Variants in RTN4RL1 observed in about 807,000 individuals in gnomAD.
RTN4RL1 encodes reticulon 4 receptor like 1, also known as reticulon-4 receptor-like 1.
A neutral mutation model predicts 25.6 loss-of-function variants in RTN4RL1; 7 were observed. The observed-to-expected ratio is 0.27, with a 90% CI of 0.16 to 0.51. The LOEUF is 0.51. Among genes scored for constraint, RTN4RL1 ranks in the 20% least tolerant of loss-of-function variants. The pLI, the probability that RTN4RL1 is intolerant of heterozygous loss-of-function variation, is 0.97. For missense variants in RTN4RL1, 500 were observed against 615.6 expected (o/e 0.81, Z 1.99); for synonymous variants, 297 against 288.2 (o/e 1.03, Z -0.31).
chr17:1,978,640 G>A (rs958186901), intron 1 of RTN4RL1, among the ~76,000 whole-genome samples: 1 of 152,052 alleles, frequency 6.6e-6, no homozygotes, highest in Non-Finnish European at 1.5e-5. Flanking sequence ...AAATGGGGGG[G>A]GTGGAGGGTG....
chr17:1,946,681 T>C (rs1399674418), intron 1 of RTN4RL1, among the ~76,000 whole-genome samples: 1 of 149,830 alleles, frequency 6.7e-6, no homozygotes, highest in Non-Finnish European at 1.5e-5. Flanking sequence ...TCTGTGTGCA[T>C]CTCTGTGAAT....
At chr17:1,944,413 A>G (rs548001508) in intron 1 of RTN4RL1, among the ~76,000 whole-genome samples, 1 of 152,062 alleles carries the variant, frequency 6.6e-6, no homozygotes, top group East Asian at 1.9e-4. Flanking sequence ...CATATAATCC[A>G]TCTCAGTCAG....
intron 1 of RTN4RL1, among the ~76,000 whole-genome samples, chr17:1,955,074 G>A (rs1428311277): frequency 6.6e-6 from 1 of 152,042 alleles, no homozygotes; most frequent in East Asian, 1.9e-4. Context: ...TTCTCTGTCA[G>A]CCTGAGCGCC....
intron 1 of RTN4RL1, among the ~76,000 whole-genome samples, chr17:1,972,700 C>T (rs187208097): frequency 1.3e-5 from 2 of 152,326 alleles, no homozygotes; most frequent in Admixed American, 6.5e-5. Flanking sequence ...CCGACTCAGC[C>T]GCAAGTGCCT....
intron 1 of RTN4RL1, among the ~76,000 whole-genome samples, chr17:1,950,574 C>T (rs1915651975): frequency 6.6e-6 from 1 of 152,076 alleles, no homozygotes; most frequent in African/African-American, 2.4e-5. Context: ...GAAGCCGGGG[C>T]AGCAGCTCAC....
intron 1 of RTN4RL1, among the ~76,000 whole-genome samples, chr17:1,969,735 T>C (rs537538199): frequency 6.6e-6 from 1 of 152,342 alleles, no homozygotes; most frequent in South Asian, 2.1e-4. Context: ...GGTTGGTCAT[T>C]TATTTCCACA....
At chr17:1,967,762 C>T (rs1397271428) in intron 1 of RTN4RL1, among the ~76,000 whole-genome samples, 1 of 152,130 alleles carries the variant, frequency 6.6e-6, no homozygotes, top group Non-Finnish European at 1.5e-5. Context: ...GCCTCAGCTT[C>T]CCAAGTAGCC....
Position 1,935,551 on chromosome 17 carries a change from G to T in RTN4RL1, c.*945C>A. The T allele has an allele frequency of 1.0e-6, 1 of 985,420 alleles. No individual in the cohort carries two copies. The highest frequency in any genetic ancestry group is 4.7e-5 in the South Asian group (1 of 21,274). 61.0% of individuals were successfully genotyped at this position (985,420 alleles called of 1,614,324 possible). A position where few individuals can be genotyped will look rare whatever the true frequency, so the allele number is the denominator to read the frequency against. On this transcript the variant is annotated 3_prime_UTR_variant, in exon 2 of 2. Transcript: ENST00000331238. ...AAGGCCAGGTCCCTTGGAGACTATC[G>T]TTGCCAGTTTGGGATTCTAGACAAA...
chr17:1,985,877 GC>G (rs1245090067), intron 1 of RTN4RL1, among the ~76,000 whole-genome samples: 1 of 152,082 alleles, frequency 6.6e-6, no homozygotes. Flanking sequence ...GGGTTCCCAG[GC>G]CGGCCTCCAG....
intron 1 of RTN4RL1, among the ~76,000 whole-genome samples, chr17:1,938,689 A>C (rs1915367466): frequency 6.6e-6 from 1 of 152,110 alleles, no homozygotes; most frequent in Admixed American, 6.5e-5. Flanking sequence ...CTTTACATTT[A>C]CAGTGTCTTC....
At chr17:1,992,032 A>G (rs768552720) in intron 1 of RTN4RL1, among the ~76,000 whole-genome samples, 5 of 151,946 alleles carry the variant, frequency 3.3e-5, no homozygotes, top group Admixed American at 1.3e-4. Context: ...CCTTCATGAC[A>G]TGGGCCACGT....
chr17:2,024,809 C>T, intron 1 of RTN4RL1, 44 bp downstream of exon 1: 2 of 1,551,046 alleles, frequency 1.3e-6, no homozygotes, highest in South Asian at 1.2e-5. Context: ...CGGCTCTTTC[C>T]GGAGCGCATT....
intron 1 of RTN4RL1, among the ~76,000 whole-genome samples, chr17:1,997,457 T>G (rs575787224): frequency 6.6e-6 from 1 of 152,244 alleles, no homozygotes; most frequent in African/African-American, 2.4e-5. Context: ...CGCATGTGTT[T>G]ACTTATTAAC....
chr17:1,945,428 G>A (rs367985132), intron 1 of RTN4RL1, among the ~76,000 whole-genome samples: 6 of 152,160 alleles, frequency 3.9e-5, no homozygotes, highest in African/African-American at 1.4e-4. Flanking sequence ...TCACCATGTT[G>A]GCCAGGCTGG....
rs74927124 is a variant in RTN4RL1 at position 1,936,083 on chromosome 17, G to A, written c.*413C>T. ...CCAGCCTCGTGGGTGAGCCTCATTT[G>A]TTCTTCTCTGCGTCCTGCTTTCTCC... On this transcript the variant is annotated 3_prime_UTR_variant, in exon 2 of 2. Transcript: ENST00000331238. The A allele has an allele frequency of 0.075, 75,449 of 1,005,006 alleles. 3,128 individuals are homozygous for A. Among genetic ancestry groups the A allele is most frequent in the East Asian group, 0.18 (1,711 of 9,638 alleles). The allele number at this position is 1,005,006 out of a possible 1,614,324, so 62.3% of individuals were successfully genotyped here.
At chr17:1,942,349 C>A (rs1461137869) in intron 1 of RTN4RL1, among the ~76,000 whole-genome samples, 1 of 149,970 alleles carries the variant, frequency 6.7e-6, no homozygotes, top group African/African-American at 2.4e-5. Flanking sequence ...GTGGGGAGGG[C>A]CCAGAATGAC....
rs940485739 is a variant in RTN4RL1 at position 1,998,731 on chromosome 17, G to A, written c.13+26122C>T. On this transcript the variant is annotated intron_variant, in intron 1 of 1. Coordinates refer to ENST00000331238, the MANE Select transcript of RTN4RL1 (RefSeq NM_178568.4). This position sits in a 1 kb window ranked among gnomAD's most constrained non-coding sequence, Gnocchi z 4.9. Reference sequence around the variant, plus strand: ...GGGCCCCGCTCCCCTCACGGGCCTCGCAGCACAGACGGGGACAGGGGCGGC... The same window carrying A: ...GGGCCCCGCTCCCCTCACGGGCCTCACAGCACAGACGGGGACAGGGGCGGC... Among the ~76,000 whole-genome samples, 3 of 151,004 alleles carry A rather than the reference G, an allele frequency of 2.0e-5. No homozygotes were observed. Among genetic ancestry groups the A allele is most frequent in the Non-Finnish European group, 4.4e-5 (3 of 67,656 alleles).
intron 1 of RTN4RL1, among the ~76,000 whole-genome samples, chr17:2,011,344 G>A (rs571664506): frequency 3.3e-5 from 5 of 152,336 alleles, no homozygotes; most frequent in East Asian, 1.9e-4. Flanking sequence ...AAAGGTGACC[G>A]CTCATCCATG....
intron 1 of RTN4RL1, among the ~76,000 whole-genome samples, chr17:1,938,821 C>T (rs1017264994): frequency 6.6e-6 from 1 of 151,712 alleles, no homozygotes; most frequent in Non-Finnish European, 1.5e-5. Context: ...GAAGCCGAGG[C>T]AGGCGGATCA....
Sources: allele counts gnomAD v4.1 joint callset (sites outside exome capture counted in the v4.1 genomes callset), GRCh38; gene constraint gnomAD v4.1.1; non-coding constraint Gnocchi (gnomAD v3.1); transcripts MANE v1.5; gene names NCBI Gene and HGNC (gene_info 2026-07-23, HGNC 2026-07-21).